The following LARP7 variants were observed in gnomAD, a reference collection of about 807,000 sequenced individuals.
LARP7 encodes the protein la-related protein 7.
In LARP7, 52 loss-of-function variants were observed where a neutral mutation model predicts 69.3. The ratio of observed to expected loss-of-function variants is 0.75; its 90% CI spans 0.60 to 0.95. LARP7 has a LOEUF of 0.95. Ranked by LOEUF, LARP7 falls within the 40% of genes least tolerant of loss-of-function variation. The pLI is 0.00. For synonymous variants in LARP7, 254 were observed against 215.9 expected, an observed-to-expected ratio of 1.18 and a Z score of -1.55; for missense variants, 733 against 673.0, an observed-to-expected ratio of 1.09 and a Z score of -0.99.
intron 8 of LARP7, chr4:112,648,841 G>A: frequency 6.0e-6 from 1 of 167,546 alleles, no homozygotes; most frequent in Non-Finnish European, 1.2e-5. Context: ...ATCCTGGGTG[G>A]GTCTGGATCC....
chr4:112,647,251 T>C lies in LARP7; in HGVS notation c.699T>C (p.Asn233=), dbSNP rs1389934992. 7 of 1,607,810 alleles carry C rather than the reference T, an allele frequency of 4.4e-6. No individual in the cohort carries two copies. The highest frequency in any genetic ancestry group is 1.1e-5 in the South Asian group (1 of 89,630). ...KKKGRMKKED[N]IQAKEENMDT... ...AAGGCCGAATGAAAAAGGAAGACAA[T>C]ATCCAAGCCAAAGAAGAAAACATGG... The change falls in exon 7 of 13, where the codon AAT becomes AAC. Residue 233 remains asparagine, a synonymous_variant. Coordinates refer to ENST00000344442, the MANE Select transcript of LARP7 (RefSeq NM_016648.4).
At position 112,653,538 on chromosome 4, in the gene LARP7, G is replaced by C. The variant is rs575950668; in HGVS notation, c.1576+302G>C. Among the ~76,000 whole-genome samples, 4 of 152,154 alleles carry C rather than the reference G, an allele frequency of 2.6e-5. No homozygotes were observed. In the South Asian group the frequency reaches 8.3e-4, roughly 32 times the overall value. ...TCGCTCTTGTTGCCCAGGCTGGAGT[G>C]CTGTGGTGCGATCTCGGCTCACTGC... On this transcript the variant is annotated intron_variant, in intron 11 of 12. Transcript: ENST00000344442.
chr4:112,642,150 A>G (rs980547907), intron 1 of LARP7, among the ~76,000 whole-genome samples: 1 of 152,350 alleles, frequency 6.6e-6, no homozygotes, highest in Admixed American at 6.5e-5. Flanking sequence ...TGAGAGGTCA[A>G]GTAGACAGTG....
At chr4:112,652,109 T>G (rs1560948332) in intron 10 of LARP7, among the ~76,000 whole-genome samples, 1 of 151,962 alleles carries the variant, frequency 6.6e-6, no homozygotes, top group Non-Finnish European at 1.5e-5. Flanking sequence ...TCACAGATTT[T>G]ATTATATATT....
Position 112,649,758 on chromosome 4 carries a change from T to C in LARP7, c.1294+72T>C, listed in dbSNP as rs998056712. On this transcript the variant is annotated intron_variant, in intron 9 of 12. Transcript: ENST00000344442. ...TGTAAATGCTATCTCTGAGTTGTTA[T>C]AAGATAAATTTTAATTTTAAAAAAC... is the stretch of plus-strand genomic sequence containing the variant. 1.0e-5 allele frequency: 10 copies of C among 987,348 alleles called. No homozygotes were observed. In the East Asian group the frequency reaches 2.1e-4, roughly 21 times the overall value. 61.2% of individuals were successfully genotyped at this position (987,348 alleles called of 1,614,324 possible).
In LARP7 at chr4:112,647,229, G is replaced by A. The variant is rs1383832147; in HGVS notation, c.677G>A (p.Gly226Asp). 2 of 1,596,566 alleles carry A rather than the reference G, an allele frequency of 1.3e-6. No individual in the cohort carries two copies. Among genetic ancestry groups the A allele is most frequent in the Non-Finnish European group, 1.7e-6 (2 of 1,175,386 alleles). Residue 226 changes from glycine (G) to aspartate (D), a missense_variant, in exon 7 of 13, where the codon GGC becomes GAC. Gly to Asp is a moderately conservative substitution (Grantham distance 94). Coordinates refer to ENST00000344442, the MANE Select transcript of LARP7 (RefSeq NM_016648.4). ...AAGAAAAAGAAAAAGAAGAAGAAAG[G>A]CCGAATGAAAAAGGAAGACAATATC... ...EEKKKKKKKK[G>D]RMKKEDNIQA...
In LARP7 at chr4:112,647,768, A is replaced by G. The variant is rs965500951; in HGVS notation, c.1076A>G (p.His359Arg). ...DSSLLKTKRK[H>R]KKKHKERHKM... ...TCTCTCTTGAAAACAAAAAGGAAAC[A>G]TAAGAAAAAACATAAAGAGAGACAT... Residue 359 changes from histidine (H) to arginine (R), a missense_variant, in exon 8 of 13, where the codon CAT (histidine) becomes CGT (arginine). Physicochemically the swap from His to Arg is conservative, Grantham distance 29. Coordinates refer to ENST00000344442, the MANE Select transcript of LARP7 (RefSeq NM_016648.4). The G allele has an allele frequency of 1.8e-5, 28 of 1,579,828 alleles. No homozygotes were observed. The highest frequency in any genetic ancestry group is 2.4e-5 in the Non-Finnish European group (28 of 1,162,508).
At chr4:112,648,061 T>G (rs2048426481) in intron 8 of LARP7, 1 of 637,264 alleles carries the variant, frequency 1.6e-6, no homozygotes, top group Non-Finnish European at 3.1e-6. Flanking sequence ...GCCTCCATGT[T>G]AAAGTAGAGG....
At chr4:112,649,789 T>G (rs1365907846) in intron 9 of LARP7, 103 bp downstream of exon 9, 4 of 713,208 alleles carry the variant, frequency 5.6e-6, no homozygotes, top group Non-Finnish European at 8.4e-6. Flanking sequence ...AAAACTTGAT[T>G]ATTCTATTTC....
rs1243204754 is a variant in LARP7, at chr4:112,649,673, G to A, written c.1281G>A (p.Met427Ile). 6.3e-6 allele frequency: 10 copies of A among 1,584,388 alleles called. No individual in the cohort carries two copies. In the Admixed American group the frequency reaches 7.5e-5, roughly 12 times the overall value. Residue 427 changes from methionine (M) to isoleucine (I), a missense_variant, in exon 9 of 13, where the codon ATG becomes ATA. Transcript: ENST00000344442. Reference protein sequence around the residue: ...TDSGVPQNTGMKNEKTANREE... With the variant: ...TDSGVPQNTGIKNEKTANREE... ...GTGGAGTACCTCAAAACACTGGAATGAAAAATGAAAAAAGTAAAGATCACT... is the reference window on the plus strand; with the variant it reads ...GTGGAGTACCTCAAAACACTGGAATAAAAAATGAAAAAAGTAAAGATCACT...
At position 112,647,497 on chromosome 4, in the gene LARP7, T is replaced by A; in HGVS notation, c.945T>A (p.Ile315=). 2 of 1,613,436 alleles carry A rather than the reference T, an allele frequency of 1.2e-6. No individual in the cohort carries two copies. The highest frequency in any genetic ancestry group is 1.7e-6 in the Non-Finnish European group (2 of 1,179,708). Residue 315 remains isoleucine (I), a synonymous_variant, in exon 7 of 13, where the codon ATT becomes ATA. Coordinates refer to ENST00000344442, the MANE Select transcript of LARP7 (RefSeq NM_016648.4). ...SLAPRSKVKK[I]IQKDIIKEAS... ...CTCCCCGATCAAAAGTAAAGAAAAT[T>A]ATTCAGAAAGACATCATTAAGGAAG...
intron 8 of LARP7, chr4:112,648,283 T>G (rs1277389568): frequency 3.8e-6 from 2 of 528,144 alleles, no homozygotes; most frequent in South Asian, 2.8e-5. Flanking sequence ...TTAGAATCCT[T>G]TAACCTGTAA....
chr4:112,646,020 GTC>G (rs1281315122), intron 2 of LARP7, among the ~76,000 whole-genome samples: 7 of 151,648 alleles, frequency 4.6e-5, no homozygotes, highest in Non-Finnish European at 7.4e-5. Context: ...TTTTGTTTGA[GTC>G]TCTTTCTCCC....
chr4:112,653,331 T>C, intron 11 of LARP7, 95 bp downstream of exon 11: 1 of 1,054,528 alleles, frequency 9.5e-7, no homozygotes, highest in Non-Finnish European at 1.3e-6. Context: ...AGTTTTTTTT[T>C]TTTGGTCTTG....
rs749660151 is a variant in LARP7 at position 112,646,890 on chromosome 4, G to A, written c.487G>A (p.Gly163Arg). The A allele has an allele frequency of 1.9e-6, 3 of 1,609,792 alleles. No individual in the cohort carries two copies. In the Admixed American group the frequency reaches 5.0e-5, roughly 27 times the overall value. ...YISIPHYKST[G>R]DPKGFAFVEF... The stretch of plus-strand genomic sequence containing the variant: ...AAGTATACCACATTATAAGTCTACT[G>A]GAGATCCAAAGGGATTTGCGTTTGT... Residue 163 changes from glycine to arginine, a missense_variant, in exon 5 of 13, where the codon GGA becomes AGA. Transcript: ENST00000344442.
At chr4:112,652,223 G>C (rs1291726541) in intron 10 of LARP7, among the ~76,000 whole-genome samples, 1 of 149,268 alleles carries the variant, frequency 6.7e-6, no homozygotes, top group African/African-American at 2.5e-5. Context: ...TTCAACATCT[G>C]AAAGTAATGT....
At chr4:112,653,314 T>C in intron 11 of LARP7, 78 bp downstream of exon 11, 6 of 1,255,344 alleles carry the variant, frequency 4.8e-6, no homozygotes, top group Non-Finnish European at 6.4e-6. Flanking sequence ...GTTTGGCTAA[T>C]GAAACTAGTT....
chr4:112,648,915 T>C (rs141734955), intron 8 of LARP7, among the ~76,000 whole-genome samples: 1 of 146,906 alleles, frequency 6.8e-6, no homozygotes, highest in African/African-American at 2.5e-5. Flanking sequence ...CCACAAGATA[T>C]CTTCCTCTTA....
At chr4:112,639,005 G>A (rs1332284031) in intron 1 of LARP7, among the ~76,000 whole-genome samples, 2 of 152,116 alleles carry the variant, frequency 1.3e-5, no homozygotes, top group East Asian at 3.8e-4. Flanking sequence ...CTACCAAAAG[G>A]TAGACAATGT....
Sources: gnomAD v4.1 joint callset for allele counts (sites outside exome capture counted in the v4.1 genomes callset) on GRCh38, gnomAD v4.1.1 for gene constraint, MANE v1.5 for transcripts, NCBI Gene and HGNC (gene_info 2026-07-23, HGNC 2026-07-21) for gene names.